The following NRP1 variants were observed in gnomAD, a reference collection of about 807,000 sequenced individuals.
NRP1 encodes neuropilin-1.
A neutral mutation model predicts 106.7 loss-of-function variants in NRP1; 35 were observed. The observed-to-expected ratio is 0.33, with a 90% CI of 0.25 to 0.43. The LOEUF (loss-of-function observed/expected upper bound fraction) is 0.43. Among genes scored for constraint, NRP1 ranks in the 20% least tolerant of loss-of-function variants. The pLI is 1.00. For synonymous variants in NRP1, 437 were observed against 417.9 expected, an observed-to-expected ratio of 1.05 and a Z score of -0.56; for missense variants, 1,024 against 1,170.4, an observed-to-expected ratio of 0.87 and a Z score of 1.83.
intron 1 of NRP1, among the ~76,000 whole-genome samples, chr10:33,331,219 C>T (rs1180465806): frequency 6.6e-6 from 1 of 152,170 alleles, no homozygotes; most frequent in African/African-American, 2.4e-5. Flanking sequence ...TTCTGCTAGA[C>T]TTAATTATCC....
intron 2 of NRP1, among the ~76,000 whole-genome samples, chr10:33,300,288 G>A (rs571770067): frequency 3.0e-4 from 45 of 152,300 alleles, no homozygotes; most frequent in Non-Finnish European, 4.4e-4. Flanking sequence ...CACTTCAAGA[G>A]TGTCCACCTG....
chr10:33,320,790 A>G (rs1355512545), intron 2 of NRP1, among the ~76,000 whole-genome samples: 1 of 152,214 alleles, frequency 6.6e-6, no homozygotes, highest in Non-Finnish European at 1.5e-5. Context: ...TAGAAATGTA[A>G]GTAAGACATG....
intron 11 of NRP1, 94 bp downstream of exon 11, chr10:33,202,797 T>G: frequency 6.2e-7 from 1 of 1,609,692 alleles, no homozygotes; most frequent in Admixed American, 1.7e-5. Flanking sequence ...CTCTCTGCCA[T>G]GCGGAGTTAC....
intron 13 of NRP1, among the ~76,000 whole-genome samples, chr10:33,189,737 GTTCATTT>G (rs1442788116): frequency 6.6e-6 from 1 of 152,148 alleles, no homozygotes; most frequent in African/African-American, 2.4e-5. Flanking sequence ...CCTAGCTAGT[GTTCATTT>G]TCTTTTTAAA....
chr10:33,216,547 G>A (rs765709599), intron 8 of NRP1, among the ~76,000 whole-genome samples: 11 of 151,948 alleles, frequency 7.2e-5, no homozygotes, highest in Non-Finnish European at 1.2e-4. Flanking sequence ...TTGAACTCTT[G>A]GCCTCAAGCA....
chr10:33,219,880 C>G (rs1045746759), intron 8 of NRP1, among the ~76,000 whole-genome samples: 1 of 152,146 alleles, frequency 6.6e-6, no homozygotes, highest in Non-Finnish European at 1.5e-5. Flanking sequence ...ACCCAAACCT[C>G]AAATGGCCTT....
intron 12 of NRP1, among the ~76,000 whole-genome samples, chr10:33,194,053 T>A (rs938700554): frequency 1.3e-5 from 2 of 152,114 alleles, no homozygotes; most frequent in Admixed American, 6.5e-5. Flanking sequence ...ATCGGAGAGA[T>A]ATATTTCATG....
intron 3 of NRP1, among the ~76,000 whole-genome samples, chr10:33,269,163 G>A (rs915656256): frequency 6.6e-6 from 1 of 152,054 alleles, no homozygotes; most frequent in Non-Finnish European, 1.5e-5. Flanking sequence ...ATACATTAAT[G>A]CCAACTTAAA....
At chr10:33,292,507 A>G (rs2132638501) in intron 2 of NRP1, among the ~76,000 whole-genome samples, 1 of 152,304 alleles carries the variant, frequency 6.6e-6, no homozygotes, top group East Asian at 1.9e-4. Flanking sequence ...TTCCAAATAT[A>G]AGTAGAGAGG....
intron 2 of NRP1, among the ~76,000 whole-genome samples, chr10:33,280,202 G>A (rs984751113): frequency 1.3e-5 from 2 of 152,266 alleles, no homozygotes; most frequent in South Asian, 4.1e-4. Flanking sequence ...TATTGTCCAG[G>A]AAGATTTTGT....
chr10:33,205,553 G>C (rs928036857), intron 10 of NRP1: 15 of 152,342 alleles, frequency 9.8e-5, no homozygotes, highest in African/African-American at 2.9e-4. Flanking sequence ...TTGAGCAGGG[G>C]TTGAAAAGGG....
intron 2 of NRP1, among the ~76,000 whole-genome samples, chr10:33,288,956 T>A (rs1015431484): frequency 6.6e-6 from 1 of 152,156 alleles, no homozygotes; most frequent in Admixed American, 6.5e-5. Context: ...TCTTCCTACT[T>A]ACCCTAAATT....
At chr10:33,234,880 A>T (rs1805827999) in intron 6 of NRP1, among the ~76,000 whole-genome samples, 1 of 152,224 alleles carries the variant, frequency 6.6e-6, no homozygotes, top group Admixed American at 6.6e-5. Context: ...AGTTAGAATA[A>T]CATGAGATAA....
At chr10:33,259,852 A>AT (rs994368116) in intron 4 of NRP1, among the ~76,000 whole-genome samples, 36 of 150,614 alleles carry the variant, frequency 2.4e-4, no homozygotes, top group African/African-American at 7.0e-4. Context: ...AGGTACTTAA[A>AT]TTTTTTTTTT....
At chr10:33,202,566 T>TGC in intron 11 of NRP1, 3 of 1,245,308 alleles carry the variant, frequency 2.4e-6, no homozygotes, top group East Asian at 2.9e-5. Flanking sequence ...GCACGTGTTA[T>TGC]TGGGGGGGGG....
chr10:33,326,631 G>A lies in NRP1; in HGVS notation c.248+4077C>T, dbSNP rs1233654632. Among the ~76,000 whole-genome samples the A allele has an allele frequency of 5.3e-5, 8 of 152,276 alleles. No homozygotes were observed. In the East Asian group the frequency reaches 1.5e-3, roughly 29 times the overall value. ...GATCGACTGATTTACACCACATCTT[G>A]TTCAATAAAAGAATTAAGGGGTTAT... On this transcript the variant is annotated intron_variant, in intron 2 of 16. Coordinates refer to ENST00000374867, the MANE Select transcript of NRP1 (RefSeq NM_003873.7).
intron 6 of NRP1, among the ~76,000 whole-genome samples, chr10:33,251,212 T>C (rs1841833321): frequency 6.6e-6 from 1 of 152,192 alleles, no homozygotes; most frequent in Non-Finnish European, 1.5e-5. Context: ...TTCACTCGCC[T>C]CTTTCACCTG....
chr10:33,303,650 C>T (rs1159561985), intron 2 of NRP1, among the ~76,000 whole-genome samples: 3 of 152,192 alleles, frequency 2.0e-5, no homozygotes, highest in Admixed American at 6.5e-5. Context: ...GTCTCGAAGT[C>T]AGAGGTTGGT....
At chr10:33,266,686 T>TC (rs1251114261) in intron 3 of NRP1, among the ~76,000 whole-genome samples, 70 of 152,234 alleles carry the variant, frequency 4.6e-4, no homozygotes, top group African/African-American at 1.6e-3. Context: ...CGAATTGTAA[T>TC]CCCCAATGGT....
Sources: allele counts gnomAD v4.1 joint callset (sites outside exome capture counted in the v4.1 genomes callset), GRCh38; gene constraint gnomAD v4.1.1; transcripts MANE v1.5; gene names NCBI Gene and HGNC (gene_info 2026-07-23, HGNC 2026-07-21).